The following TET3 variants were observed in gnomAD, a reference collection of about 807,000 sequenced individuals.
TET3 encodes the protein methylcytosine dioxygenase TET3.
In TET3, 19 loss-of-function variants were observed where a neutral mutation model predicts 141.4. The ratio of observed to expected loss-of-function variants is 0.13; its 90% CI spans 0.09 to 0.20. TET3 has a LOEUF of 0.20. Ranked by LOEUF, TET3 falls within the 10% of genes least tolerant of loss-of-function variation. TET3 has a pLI of 1.00. For missense variants in TET3, 1,874 were observed against 2,356.9 expected (o/e 0.80, Z 4.24); for synonymous variants, 1,043 against 980.9 (o/e 1.06, Z -1.18).
the TET3 span, chr2:74,135,272 G>C: frequency 2.1e-6 from 1 of 480,728 alleles, no homozygotes; most frequent in Non-Finnish European, 3.7e-6. Flanking sequence ...GTTTCGTGGA[G>C]GGGAAGAAAC....
In TET3 at chr2:74,089,903, C is replaced by T. The variant is rs1690381575; in HGVS notation, c.2895C>T (p.Thr965=). The T allele has an allele frequency of 6.2e-7, 1 of 1,613,930 alleles. No homozygotes were observed. The highest frequency in any genetic ancestry group is 1.1e-5 in the South Asian group (1 of 91,092). The stretch of plus-strand genomic sequence containing the variant: ...CCTGTGCTGTGTGTTGCAGCCGGAC[C>T]TGCGCTTGCCAAGGCAAAGACCCCA... The part of the protein sequence containing the change: ...SRRCGLNDDR[T]CACQGKDPNT... Residue 965 remains threonine (T), a synonymous_variant, in exon 8 of 12, where the codon ACC becomes ACT. Transcript: ENST00000409262.
Position 74,003,133 on chromosome 2 carries a change from A to C in TET3, c.327A>C (p.Gly109=), listed in dbSNP as rs934746411. The C allele has an allele frequency of 3.2e-5, 49 of 1,549,904 alleles. No homozygotes were observed. Among genetic ancestry groups the C allele is most frequent in the Admixed American group, 9.8e-5 (5 of 50,938 alleles). The stretch of plus-strand genomic sequence containing the variant: ...AGGTGGAAATAAAGGCTGGTGAAGG[A>C]GCCGGGCCGTGGGGACAAGGAGCGG... ...LKEVEIKAGE[G]AGPWGQGAAV... Residue 109 remains glycine (G), a synonymous_variant, in exon 3 of 12, where the codon GGA becomes GGC. Transcript: ENST00000409262.
In TET3 at chr2:74,047,672, A is replaced by G. The variant is rs769906553; in HGVS notation, c.1755A>G (p.Pro585=). The G allele has an allele frequency of 6.2e-7, 1 of 1,613,402 alleles. No homozygotes were observed. Among genetic ancestry groups the G allele is most frequent in the South Asian group, 1.1e-5 (1 of 90,990 alleles). Residue 585 remains proline, a synonymous_variant, in exon 4 of 12, where the codon CCA becomes CCG. Transcript: ENST00000409262. ...AGAAGAAGAAGAAGCTCCCAACACCAGCTGGAGGTCCCGTGGGAACGGAGA... is the reference window on the plus strand; with the variant it reads ...AGAAGAAGAAGAAGCTCCCAACACCGGCTGGAGGTCCCGTGGGAACGGAGA... The part of the protein sequence containing the change: ...PKEKKKKLPT[P]AGGPVGTEKA...
chr2:74,116,684 C>T, the TET3 span, among the ~76,000 whole-genome samples: 1 of 41,516 alleles, frequency 2.4e-5, no homozygotes, highest in Non-Finnish European at 5.2e-5. Context: ...GACTCCATCC[C>T]AAGTTAAAAA....
At chr2:74,072,246 C>T (rs1051117000) in intron 4 of TET3, among the ~76,000 whole-genome samples, 2 of 152,216 alleles carry the variant, frequency 1.3e-5, no homozygotes, top group Non-Finnish European at 2.9e-5. Context: ...GGCACAACAG[C>T]TTATGCCTGT....
At chr2:73,991,381 C>T (rs757556419) in intron 2 of TET3, among the ~76,000 whole-genome samples, 93 of 151,628 alleles carry the variant, frequency 6.1e-4, no homozygotes, top group Non-Finnish European at 1.2e-3. Context: ...GTCAGGAATT[C>T]GAGACCAGCC....
In TET3 at chr2:74,100,479, T is replaced by C; in HGVS notation, c.3691T>C (p.Tyr1231His). Residue 1231 changes from tyrosine to histidine, a missense_variant, in exon 12 of 12, where the codon TAC becomes CAC. Physicochemically the swap from Tyr to His is moderately conservative, Grantham distance 83 (BLOSUM62 2). Coordinates refer to ENST00000409262, the MANE Select transcript of TET3 (RefSeq NM_001287491.2). ...GCAGAACCACTTCAGCTCCTTCAAG[T>C]ACAGCGGCAACGCGGTGGTGGAGAG... ...EPQNHFSSFK[Y>H]SGNAVVESYS... The C allele has an allele frequency of 6.3e-7, 1 of 1,595,716 alleles. No homozygotes were observed. The highest frequency in any genetic ancestry group is 8.5e-7 in the Non-Finnish European group (1 of 1,171,322).
chr2:73,991,699 C>T (rs1446026069), intron 2 of TET3, among the ~76,000 whole-genome samples: 1 of 149,794 alleles, frequency 6.7e-6, no homozygotes, highest in African/African-American at 2.5e-5. Context: ...CCAGGTGTAC[C>T]TAGGCTGAGG....
chr2:74,000,683 A>G (rs1028334115), intron 2 of TET3, among the ~76,000 whole-genome samples: 37 of 152,292 alleles, frequency 2.4e-4, no homozygotes, highest in African/African-American at 8.9e-4. Flanking sequence ...TGGCAGAGAC[A>G]GACAGAACTT....
chr2:74,019,744 A>G (rs73948286), intron 3 of TET3, among the ~76,000 whole-genome samples: 1,933 of 152,290 alleles, frequency 0.013, 41 homozygotes, highest in African/African-American at 0.044. Flanking sequence ...TGTGATCTGG[A>G]TAACAGATTG....
chr2:74,036,782 C>A (rs1264668019), intron 3 of TET3, among the ~76,000 whole-genome samples: 2 of 152,162 alleles, frequency 1.3e-5, no homozygotes, highest in Non-Finnish European at 2.9e-5. Flanking sequence ...TTCCTTTCTT[C>A]CTCGAACCCA....
intron 3 of TET3, among the ~76,000 whole-genome samples, chr2:74,038,905 G>A (rs529060166): frequency 1.3e-5 from 2 of 152,248 alleles, no homozygotes; most frequent in African/African-American, 2.4e-5. Context: ...TCTCAGGGAG[G>A]GATTGATTCT....
chr2:74,108,512 T>C (rs535211895), downstream of TET3, among the ~76,000 whole-genome samples: 9 of 152,312 alleles, frequency 5.9e-5, no homozygotes, highest in South Asian at 1.9e-3. Flanking sequence ...TAACTTCTGA[T>C]GTTTGTTAGG....
rs12713807 is a variant in TET3, at chr2:74,065,620, G to T, written c.2495-7929G>T. Among the ~76,000 whole-genome samples the T allele has an allele frequency of 1.8e-3, 261 of 142,512 alleles. 1 individual carries two copies. The highest frequency in any genetic ancestry group is 4.3e-3 in the African/African-American group (163 of 37,950). The allele number at this position is 142,512 out of a possible 152,430, so 93.5% of individuals were successfully genotyped here. The stretch of plus-strand genomic sequence containing the variant: ...CTTCCTTCCGTCCGTCCGTCCGTCC[G>T]TCCTTCCTTCCTTCCTTCTCTTTCT... On this transcript the variant is annotated intron_variant, in intron 4 of 11. Transcript: ENST00000409262.
rs539781338 is a variant in TET3, at chr2:74,022,582, C to A, written c.360+19416C>A. 2.3e-5 allele frequency among the ~76,000 whole-genome samples: 3 copies of A among 132,552 alleles called. No homozygotes were observed. In the Admixed American group the frequency reaches 2.3e-4, roughly 10 times the overall value. The allele number at this position is 132,552 out of a possible 152,430, so 87.0% of individuals were successfully genotyped here. ...GTTAATCGGTTTATTATTTTTTTTT[C>A]TTTTGGTTGTGCCAGACAGAACACA... On this transcript the variant is annotated intron_variant, in intron 3 of 11. Transcript: ENST00000409262.
At chr2:74,022,267 TTTC>T (rs1286868778) in intron 3 of TET3, among the ~76,000 whole-genome samples, 2 of 152,102 alleles carry the variant, frequency 1.3e-5, no homozygotes, top group African/African-American at 4.8e-5. Context: ...TGTGATCTTT[TTTC>T]TTTGTGAATA....
chr2:74,017,049 G>T (rs1272124077), intron 3 of TET3, among the ~76,000 whole-genome samples: 1 of 152,116 alleles, frequency 6.6e-6, no homozygotes, highest in Non-Finnish European at 1.5e-5. Context: ...TACTTGGGAA[G>T]CTGAGGCAGC....
chr2:74,101,154 T>A lies in TET3; in HGVS notation c.4366T>A (p.Trp1456Arg). The A allele has an allele frequency of 6.2e-7, 1 of 1,613,832 alleles. No homozygotes were observed. Among genetic ancestry groups the A allele is most frequent in the South Asian group, 1.1e-5 (1 of 91,040 alleles). ...GAGGACTAACGGTGTGGGTGGCAGCTGGGGTGTGTTCTCGTCTGGGGAGAG... is the reference window on the plus strand; with the variant it reads ...GAGGACTAACGGTGTGGGTGGCAGCAGGGGTGTGTTCTCGTCTGGGGAGAG... ...PKRTNGVGGS[W>R]GVFSSGESPA... The change falls in exon 12 of 12, where the codon TGG (tryptophan) becomes AGG (arginine). Residue 1456 changes from tryptophan to arginine, a missense_variant. By Grantham distance (101) the Trp-to-Arg change is moderately radical. Coordinates refer to ENST00000409262, the MANE Select transcript of TET3 (RefSeq NM_001287491.2). This position sits in a 1 kb window ranked among gnomAD's most constrained non-coding sequence, Gnocchi z 8.5.
intron 3 of TET3, among the ~76,000 whole-genome samples, chr2:74,022,127 A>G (rs1175345479): frequency 1.6e-5 from 1 of 61,112 alleles, no homozygotes; most frequent in African/African-American, 8.8e-5. Context: ...TCCATTTTAA[A>G]TGTTTCTGGT....
Sources: allele counts gnomAD v4.1 joint callset (sites outside exome capture counted in the v4.1 genomes callset), GRCh38; gene constraint gnomAD v4.1.1; non-coding constraint Gnocchi (gnomAD v3.1); transcripts MANE v1.5; gene names NCBI Gene and HGNC (gene_info 2026-07-23, HGNC 2026-07-21).